ADARB2: variants seen among roughly 807,000 people sequenced by gnomAD.
ADARB2 encodes inactive double-stranded RNA-specific editase B2.
A neutral mutation model predicts 62.2 loss-of-function variants in ADARB2; 25 were observed. That is an observed-to-expected ratio of 0.40 (90% confidence interval 0.29 to 0.56). The LOEUF (loss-of-function observed/expected upper bound fraction) is 0.56, where lower values mean the gene tolerates loss of function less well. Among genes scored for constraint, ADARB2 ranks in the 20% least tolerant of loss-of-function variants. ADARB2 has a pLI of 0.43. For synonymous variants in ADARB2, 572 were observed against 500.8 expected, an observed-to-expected ratio of 1.14 and a Z score of -1.90; for missense variants, 1,071 against 1,077.4, an observed-to-expected ratio of 0.99 and a Z score of 0.08.
At chr10:1,358,535 G>A (rs967147400) in intron 3 of ADARB2, among the ~76,000 whole-genome samples, 4 of 152,120 alleles carry the variant, frequency 2.6e-5, no homozygotes, top group African/African-American at 9.7e-5. Context: ...GATGCCCCAG[G>A]TGCCACCGCT....
intron 1 of ADARB2, among the ~76,000 whole-genome samples, chr10:1,511,721 T>C (rs1242372668): frequency 6.6e-6 from 1 of 151,642 alleles, no homozygotes; most frequent in Admixed American, 6.6e-5. Flanking sequence ...TACCAAGACT[T>C]TGATACTGTC....
intron 3 of ADARB2, among the ~76,000 whole-genome samples, chr10:1,329,580 C>A (rs910389795): frequency 4.0e-5 from 6 of 151,714 alleles, no homozygotes; most frequent in African/African-American, 1.5e-4. Context: ...TGGTTTCTGC[C>A]CCATCAGCTC....
chr10:1,381,966 T>C (rs1832487515), intron 1 of ADARB2, among the ~76,000 whole-genome samples: 1 of 152,204 alleles, frequency 6.6e-6, no homozygotes, highest in African/African-American at 2.4e-5. Context: ...ATTGCCCACT[T>C]GAAATGGGAT....
At chr10:1,689,546 TCAC>T (rs1317425141) in intron 1 of ADARB2, among the ~76,000 whole-genome samples, 1 of 152,306 alleles carries the variant, frequency 6.6e-6, no homozygotes, top group African/African-American at 2.4e-5. Context: ...TAAACAGACA[TCAC>T]CACAATACCC....
At chr10:1,277,478 C>A (rs922839610) in intron 3 of ADARB2, among the ~76,000 whole-genome samples, 2 of 152,228 alleles carry the variant, frequency 1.3e-5, no homozygotes, top group African/African-American at 2.4e-5. Context: ...ATAAACACCT[C>A]TACGCAAATA....
At chr10:1,727,393 T>C (rs1456746243) in intron 1 of ADARB2, among the ~76,000 whole-genome samples, 1 of 152,198 alleles carries the variant, frequency 6.6e-6, no homozygotes, top group South Asian at 2.1e-4. Flanking sequence ...CGCTGAGTGC[T>C]GCCCTGTGTA....
chr10:1,567,944 G>T (rs992752749), intron 1 of ADARB2, among the ~76,000 whole-genome samples: 18 of 152,242 alleles, frequency 1.2e-4, no homozygotes, highest in Non-Finnish European at 2.2e-4. Flanking sequence ...GCAGCTCAGA[G>T]ACACCGTTGA....
chr10:1,710,688 G>A (rs972178378), intron 1 of ADARB2, among the ~76,000 whole-genome samples: 3 of 152,210 alleles, frequency 2.0e-5, no homozygotes, highest in African/African-American at 4.8e-5. Context: ...AGAGAGGCAC[G>A]AGGAATGCCG....
chr10:1,384,925 A>C (rs1056550958), intron 1 of ADARB2, among the ~76,000 whole-genome samples: 1 of 152,144 alleles, frequency 6.6e-6, no homozygotes, highest in Non-Finnish European at 1.5e-5. Context: ...CACAATGCTG[A>C]AAGTCTGGCA....
intron 3 of ADARB2, among the ~76,000 whole-genome samples, chr10:1,305,178 G>A (rs1831614602): frequency 6.9e-6 from 1 of 144,974 alleles, no homozygotes; most frequent in African/African-American, 2.5e-5. Context: ...GAAAAAAAGA[G>A]AGAAGAATCA....
At chr10:1,391,303 G>A (rs1832568343) in intron 1 of ADARB2, among the ~76,000 whole-genome samples, 1 of 152,228 alleles carries the variant, frequency 6.6e-6, no homozygotes, top group Non-Finnish European at 1.5e-5. Flanking sequence ...AGGGACTGGG[G>A]GAGGGACCTG....
intron 1 of ADARB2, among the ~76,000 whole-genome samples, chr10:1,559,400 A>T (rs1475137911): frequency 2.0e-5 from 3 of 152,208 alleles, no homozygotes; most frequent in Non-Finnish European, 4.4e-5. Flanking sequence ...TGCAAGTGAC[A>T]CGGGTCACAT....
rs1831855286 is a variant in ADARB2 at position 1,326,822 on chromosome 10, G to GGCACAGCGCCTCCCCACT, written c.1077+36205_1077+36206insAGTGGGGAGGCGCTGTGC. 3.5e-4 allele frequency among the ~76,000 whole-genome samples: 18 copies of GGCACAGCGCCTCCCCACT among 52,172 alleles called. 2 individuals are homozygous for GGCACAGCGCCTCCCCACT. The highest frequency in any genetic ancestry group is 7.7e-4 in the Admixed American group (4 of 5,180). The allele number at this position is 52,172 out of a possible 152,430, so 34.2% of individuals were successfully genotyped here. A position where few individuals can be genotyped will look rare whatever the true frequency, so the allele number is the denominator to read the frequency against. On this transcript the variant is annotated intron_variant, in intron 3 of 9. Coordinates refer to ENST00000381312, the MANE Select transcript of ADARB2 (RefSeq NM_018702.4). ...TCCCCACGGCCCAGCGCCTCCCCACGGCCCAGCGCCTCCCCACGGCCCAGC... is the reference window on the plus strand; with the variant it reads ...TCCCCACGGCCCAGCGCCTCCCCACGGCACAGCGCCTCCCCACTGCCCAGCGCCTCCCCACGGCCCAGC...
chr10:1,384,190 C>T (rs764270883), intron 1 of ADARB2, among the ~76,000 whole-genome samples: 10 of 152,202 alleles, frequency 6.6e-5, no homozygotes, highest in Non-Finnish European at 1.2e-4. Flanking sequence ...CAGGGATAGA[C>T]GGTGCAGAGG....
At chr10:1,254,723 T>G (rs144945069) in intron 4 of ADARB2, among the ~76,000 whole-genome samples, 62 of 152,378 alleles carry the variant, frequency 4.1e-4, no homozygotes, top group Non-Finnish European at 8.1e-4. Context: ...TGCTCTTCAC[T>G]GAGGCAGATT....
chr10:1,192,349 A>G (rs999713785), intron 8 of ADARB2, among the ~76,000 whole-genome samples: 1 of 152,196 alleles, frequency 6.6e-6, no homozygotes, highest in Non-Finnish European at 1.5e-5. Flanking sequence ...TGAGTTTTCT[A>G]TATGGCCAGA....
intron 3 of ADARB2, among the ~76,000 whole-genome samples, chr10:1,322,338 G>C (rs991373249): frequency 1.3e-5 from 2 of 152,230 alleles, no homozygotes; most frequent in African/African-American, 4.8e-5. Context: ...GTGGACTCTA[G>C]TTTAAATTCA....
At chr10:1,711,544 C>T (rs1010576918) in intron 1 of ADARB2, among the ~76,000 whole-genome samples, 2 of 152,168 alleles carry the variant, frequency 1.3e-5, no homozygotes, top group Non-Finnish European at 2.9e-5. Context: ...GTGTTTTCCT[C>T]CACTTGACAA....
intron 3 of ADARB2, among the ~76,000 whole-genome samples, chr10:1,313,230 G>A (rs1831708204): frequency 6.6e-6 from 1 of 152,104 alleles, no homozygotes; most frequent in African/African-American, 2.4e-5. Context: ...AGGGTGAAGG[G>A]GGATGGGCCC....
Sources: allele counts gnomAD v4.1 joint callset (sites outside exome capture counted in the v4.1 genomes callset), GRCh38; gene constraint gnomAD v4.1.1; transcripts MANE v1.5; gene names NCBI Gene and HGNC (gene_info 2026-07-23, HGNC 2026-07-21).